The following FBXW7 variants were observed in gnomAD, a reference collection of about 807,000 sequenced individuals.
FBXW7 encodes F-box/WD repeat-containing protein 7.
FBXW7 carries 11 observed loss-of-function variants against 86.3 expected under a neutral mutation model. The observed-to-expected ratio is 0.13, with a 90% CI of 0.08 to 0.21. FBXW7 has a LOEUF of 0.21. Among genes scored for constraint, FBXW7 ranks in the 10% least tolerant of loss-of-function variants. The pLI is 1.00. For synonymous variants in FBXW7, 313 were observed against 297.9 expected (o/e 1.05, Z -0.52); for missense variants, 488 against 847.4 (o/e 0.58, Z 5.27).
chr4:152,488,252 AT>A (rs917015631), intron 2 of FBXW7, among the ~76,000 whole-genome samples: 1 of 152,032 alleles, frequency 6.6e-6, no homozygotes, highest in African/African-American at 2.4e-5. Flanking sequence ...AAAAATATAA[AT>A]TTTTCAAGTG....
chr4:152,345,140 T>TACA (rs1367577425), intron 6 of FBXW7, among the ~76,000 whole-genome samples: 4 of 152,180 alleles, frequency 2.6e-5, no homozygotes, highest in African/African-American at 9.7e-5. Context: ...TTTAAGGCTA[T>TACA]ACAAGTGTCC....
intron 2 of FBXW7, among the ~76,000 whole-genome samples, chr4:152,528,863 T>C (rs1170956849): frequency 6.6e-6 from 1 of 152,288 alleles, no homozygotes; most frequent in East Asian, 1.9e-4. Flanking sequence ...CTTTTAATAT[T>C]GCCTAAATTC....
chr4:152,376,604 T>C (rs1734543487), intron 4 of FBXW7, among the ~76,000 whole-genome samples: 1 of 152,120 alleles, frequency 6.6e-6, no homozygotes, highest in East Asian at 1.9e-4. Context: ...ATTTTGAATA[T>C]AGGCTTGTCT....
chr4:152,382,278 T>G, intron 4 of FBXW7: 3 of 1,603,650 alleles, frequency 1.9e-6, no homozygotes, highest in Non-Finnish European at 8.5e-7. Flanking sequence ...TCTTTTGCAC[T>G]TTTAAGATCA....
At chr4:152,494,780 A>G (rs1746170242) in intron 2 of FBXW7, among the ~76,000 whole-genome samples, 1 of 152,248 alleles carries the variant, frequency 6.6e-6, no homozygotes, top group Non-Finnish European at 1.5e-5. Context: ...AAGGCTGTAG[A>G]TAACAGCTAA....
chr4:152,457,560 C>T (rs1413075014), intron 2 of FBXW7, among the ~76,000 whole-genome samples: 4 of 146,526 alleles, frequency 2.7e-5, no homozygotes, highest in African/African-American at 7.6e-5. Context: ...AGGAGAATGG[C>T]GTGAACCCAG....
chr4:152,347,506 A>C (rs1307666473), intron 5 of FBXW7, among the ~76,000 whole-genome samples: 2 of 152,298 alleles, frequency 1.3e-5, no homozygotes, highest in South Asian at 4.1e-4. Context: ...CAGACATAGA[A>C]ATACTATGTT....
chr4:152,397,827 G>T (rs2676341), intron 4 of FBXW7, among the ~76,000 whole-genome samples: 17 of 151,098 alleles, frequency 1.1e-4, no homozygotes, highest in Admixed American at 4.0e-4. Context: ...ATGACATTTA[G>T]ACAAGGGAAG....
chr4:152,487,606 G>C (rs1225502650), intron 2 of FBXW7, among the ~76,000 whole-genome samples: 7 of 151,970 alleles, frequency 4.6e-5, no homozygotes, highest in Non-Finnish European at 1.0e-4. Context: ...TTACCTCTGA[G>C]AAGAGAGGCA....
intron 4 of FBXW7, among the ~76,000 whole-genome samples, chr4:152,386,223 C>T (rs758357666): frequency 4.0e-5 from 6 of 151,886 alleles, no homozygotes; most frequent in African/African-American, 7.3e-5. Flanking sequence ...AAGATGATAC[C>T]ACAAATAATA....
At chr4:152,448,293 A>T (rs1271615863) in intron 2 of FBXW7, among the ~76,000 whole-genome samples, 2 of 152,226 alleles carry the variant, frequency 1.3e-5, no homozygotes, top group African/African-American at 4.8e-5. Flanking sequence ...ATTGCTACAC[A>T]ATCTGATGAT....
chr4:152,535,782 C>T lies in FBXW7; in HGVS notation c.-868G>A. The T allele has an allele frequency of 2.5e-6, 1 of 393,150 alleles. No individual in the cohort carries two copies. The highest frequency in any genetic ancestry group is 4.5e-6 in the Non-Finnish European group (1 of 222,666). The allele number at this position is 393,150 out of a possible 1,614,324, so 24.4% of individuals were successfully genotyped here. A position where few individuals can be genotyped will look rare whatever the true frequency, so the allele number is the denominator to read the frequency against. Reference sequence around the variant, plus strand: ...CTACCCACTCCCGGCCCGTGGTAGCCGCCTCCCTGCCCCCCAAGCCGCCGG... The same window carrying T: ...CTACCCACTCCCGGCCCGTGGTAGCTGCCTCCCTGCCCCCCAAGCCGCCGG... On this transcript the variant is annotated 5_prime_UTR_variant, in exon 1 of 14. Transcript: ENST00000281708.
At chr4:152,456,946 T>C (rs1742473029) in intron 2 of FBXW7, among the ~76,000 whole-genome samples, 1 of 152,178 alleles carries the variant, frequency 6.6e-6, no homozygotes, top group Non-Finnish European at 1.5e-5. Flanking sequence ...AGTCAATAAC[T>C]GTTAATAACC....
In FBXW7 at chr4:152,386,742, G is replaced by A. The variant is rs548238906; in HGVS notation, c.501+24561C>T. 2.0e-5 allele frequency among the ~76,000 whole-genome samples: 3 copies of A among 152,168 alleles called. No homozygotes were observed. In the East Asian group the frequency reaches 5.8e-4, roughly 29 times the overall value. On this transcript the variant is annotated intron_variant, in intron 4 of 13. Transcript: ENST00000281708. ...AGATGGGCTAAACATTAGGGAACTT[G>A]TAGTAAAGAAAAGGTCTTTATATAA...
intron 4 of FBXW7, among the ~76,000 whole-genome samples, chr4:152,373,070 G>A (rs1186652348): frequency 2.0e-5 from 3 of 151,826 alleles, no homozygotes; most frequent in Non-Finnish European, 4.4e-5. Flanking sequence ...AAAACATTTG[G>A]ACACTAAGGG....
At chr4:152,387,617 A>AC (rs1242323134) in intron 4 of FBXW7, among the ~76,000 whole-genome samples, 3 of 151,530 alleles carry the variant, frequency 2.0e-5, no homozygotes, top group Non-Finnish European at 2.9e-5. Context: ...TAAAAAAAAA[A>AC]AAAAAAACAT....
intron 2 of FBXW7, among the ~76,000 whole-genome samples, chr4:152,501,124 C>A (rs1746905782): frequency 6.6e-6 from 1 of 152,154 alleles, no homozygotes; most frequent in South Asian, 2.1e-4. Flanking sequence ...TATCTCAAAG[C>A]CTTTGATATA....
intron 4 of FBXW7, among the ~76,000 whole-genome samples, chr4:152,367,708 T>C (rs1034941835): frequency 2.0e-5 from 3 of 152,122 alleles, no homozygotes. Flanking sequence ...CACACTGATA[T>C]CTAAATCTTT....
intron 2 of FBXW7, among the ~76,000 whole-genome samples, chr4:152,450,997 T>G (rs1276480095): frequency 6.6e-6 from 1 of 152,220 alleles, no homozygotes; most frequent in African/African-American, 2.4e-5. Context: ...TTTTCATTAT[T>G]TATCATTTTC....
Sources: allele counts gnomAD v4.1 joint callset (sites outside exome capture counted in the v4.1 genomes callset), GRCh38; gene constraint gnomAD v4.1.1; transcripts MANE v1.5; gene names NCBI Gene and HGNC (gene_info 2026-07-23, HGNC 2026-07-21).